The following LIN28B variants were observed in gnomAD, a reference collection of about 807,000 sequenced individuals.
LIN28B encodes the protein lin-28 RNA binding posttranscriptional regulator B, also known as protein lin-28 homolog B.
A neutral mutation model predicts 21.9 loss-of-function variants in LIN28B; 5 were observed. That is an observed-to-expected ratio of 0.23 (90% CI 0.12 to 0.48). The LOEUF (loss-of-function observed/expected upper bound fraction) is 0.48. LIN28B is among the 20% of genes least tolerant of loss of function. LIN28B has a pLI of 0.98. For synonymous variants in LIN28B, 109 were observed against 111.3 expected (o/e 0.98, Z 0.13); for missense variants, 245 against 310.5 (o/e 0.79, Z 1.58).
intron 3 of LIN28B, among the ~76,000 whole-genome samples, chr6:104,951,258 A>G (rs1562560416): frequency 6.6e-6 from 1 of 152,180 alleles, no homozygotes; most frequent in Non-Finnish European, 1.5e-5. Flanking sequence ...GTATATGAAT[A>G]TTAATAATAA....
At chr6:105,032,819 A>T (rs221616) in intron 3 of LIN28B, among the ~76,000 whole-genome samples, 135,710 of 152,194 alleles carry the variant, frequency 0.89, 60,668 homozygotes, top group East Asian at 0.97. Context: ...ATATTAAGCA[A>T]CTTTATATGT....
intron 2 of LIN28B, among the ~76,000 whole-genome samples, chr6:104,949,289 CTG>C (rs1582858101): frequency 3.3e-5 from 5 of 152,256 alleles, no homozygotes; most frequent in Admixed American, 6.5e-5. Context: ...CATTAAGTGT[CTG>C]TAATGAATTT....
At chr6:104,946,385 T>A (rs1778156560) in intron 2 of LIN28B, among the ~76,000 whole-genome samples, 1 of 152,138 alleles carries the variant, frequency 6.6e-6, no homozygotes, top group Non-Finnish European at 1.5e-5. Flanking sequence ...AAATAATTTA[T>A]CCTGATTTTA....
At chr6:105,012,793 T>G (rs540509463) in intron 2 of LIN28B, among the ~76,000 whole-genome samples, 10 of 152,186 alleles carry the variant, frequency 6.6e-5, no homozygotes, top group Admixed American at 3.3e-4. Flanking sequence ...ACACAAGTCT[T>G]TGTGTGAACA....
At chr6:105,014,037 C>T (rs1247279818) in intron 2 of LIN28B, among the ~76,000 whole-genome samples, 1 of 152,076 alleles carries the variant, frequency 6.6e-6, no homozygotes. Context: ...TTGTTTTTTA[C>T]CCTATTTTAT....
chr6:104,992,514 G>GTGTGTGTGTGTT (rs1221284024), intron 2 of LIN28B, among the ~76,000 whole-genome samples: 2 of 139,684 alleles, frequency 1.4e-5, no homozygotes, highest in Admixed American at 7.1e-5. Flanking sequence ...GTGTGTGTGT[G>GTGTGTGTGTGTT]TTTTTTTTTT....
intron 2 of LIN28B, among the ~76,000 whole-genome samples, chr6:104,989,421 C>A (rs1770413235): frequency 6.6e-6 from 1 of 152,132 alleles, no homozygotes; most frequent in Middle Eastern, 3.4e-3. Context: ...CAGGGTTGTG[C>A]CATGTTGACC....
intron 2 of LIN28B, among the ~76,000 whole-genome samples, chr6:105,000,751 C>A (rs1055340762): frequency 2.6e-5 from 4 of 151,788 alleles, no homozygotes; most frequent in African/African-American, 9.7e-5. Context: ...TACTATATGC[C>A]AGTTGTTCTA....
intron 2 of LIN28B, among the ~76,000 whole-genome samples, chr6:104,947,662 T>TATATATGTATTTTATATTTGTA (rs1778171831): frequency 6.6e-6 from 1 of 151,610 alleles, no homozygotes; most frequent in Admixed American, 6.6e-5. Flanking sequence ...AATTATTTTG[T>TATATATGTATTTTATATTTGTA]ATATATGTAT....
chr6:104,970,854 A>G (rs1359371924), intron 2 of LIN28B, among the ~76,000 whole-genome samples: 1 of 152,150 alleles, frequency 6.6e-6, no homozygotes, highest in African/African-American at 2.4e-5. Context: ...AACAGTTAGC[A>G]TAGGGTAGCT....
intron 3 of LIN28B, chr6:105,058,196 G>A: frequency 3.7e-6 from 1 of 269,202 alleles, no homozygotes; most frequent in Non-Finnish European, 7.4e-6. Flanking sequence ...AGCTTGAGTT[G>A]TAGCCCCACA....
At chr6:105,067,723 A>G (rs1403899859) in intron 3 of LIN28B, among the ~76,000 whole-genome samples, 1 of 152,234 alleles carries the variant, frequency 6.6e-6, no homozygotes, top group Non-Finnish European at 1.5e-5. Context: ...TACAGTACAA[A>G]GTAGAAAACT....
At chr6:104,960,700 A>C (rs1457902868) in intron 2 of LIN28B, among the ~76,000 whole-genome samples, 1 of 152,170 alleles carries the variant, frequency 6.6e-6, no homozygotes, top group East Asian at 1.9e-4. Context: ...TAAATACATA[A>C]AAATTTATGC....
intron 2 of LIN28B, among the ~76,000 whole-genome samples, chr6:104,959,902 T>C (rs12525709): frequency 6.6e-6 from 1 of 152,174 alleles, no homozygotes; most frequent in East Asian, 1.9e-4. Flanking sequence ...TATAATTTGA[T>C]TTTCTATGTT....
intron 3 of LIN28B, among the ~76,000 whole-genome samples, chr6:105,070,442 T>C (rs2114415239): frequency 6.6e-6 from 1 of 152,228 alleles, no homozygotes; most frequent in Non-Finnish European, 1.5e-5. Flanking sequence ...TACAAAAATT[T>C]ACAGAGTAAA....
intron 2 of LIN28B, among the ~76,000 whole-genome samples, chr6:104,965,841 G>T (rs1019254019): frequency 5.3e-5 from 8 of 152,094 alleles, no homozygotes; most frequent in Non-Finnish European, 1.2e-4. Context: ...ATAAGCTAAA[G>T]AAAAAATACT....
At chr6:105,027,122 T>TG (rs1771301680) in intron 3 of LIN28B, among the ~76,000 whole-genome samples, 1 of 152,144 alleles carries the variant, frequency 6.6e-6, no homozygotes, top group African/African-American at 2.4e-5. Context: ...AACACCACTG[T>TG]GGGAACTCTT....
intron 2 of LIN28B, among the ~76,000 whole-genome samples, chr6:104,998,766 G>C (rs1466650208): frequency 2.6e-5 from 4 of 152,124 alleles, no homozygotes; most frequent in African/African-American, 7.2e-5. Flanking sequence ...ACACATTGGG[G>C]TCTAAAATAT....
chr6:104,988,478 C>T (rs1447291799), intron 2 of LIN28B, among the ~76,000 whole-genome samples: 3 of 150,412 alleles, frequency 2.0e-5, no homozygotes, highest in Non-Finnish European at 4.4e-5. Context: ...AAGAGTCTAC[C>T]AGTGCAGCCA....
Sources: allele counts gnomAD v4.1 joint callset (sites outside exome capture counted in the v4.1 genomes callset), GRCh38; gene constraint gnomAD v4.1.1; transcripts MANE v1.5; gene names NCBI Gene and HGNC (gene_info 2026-07-23, HGNC 2026-07-21).